SPRY3: variants seen among roughly 807,000 people sequenced by gnomAD.
SPRY3 encodes sprouty RTK signaling antagonist 3.
A neutral mutation model predicts 20.2 loss-of-function variants in SPRY3; 15 were observed. The observed-to-expected ratio is 0.74, with a 90% CI of 0.50 to 1.14. The LOEUF (loss-of-function observed/expected upper bound fraction) is 1.14, where lower values mean the gene tolerates loss of function less well. SPRY3 is among the 50% of genes most tolerant of loss of function. The probability of loss-of-function intolerance (pLI) is 0.00; values close to 1 mark genes in which losing one functional copy is unlikely to be tolerated. For synonymous variants in SPRY3, 143 were observed against 136.5 expected, an observed-to-expected ratio of 1.05 and a Z score of -0.33; for missense variants, 364 against 363.9, an observed-to-expected ratio of 1.00 and a Z score of 0.00.
At chrX:155,767,281 A>G (rs1489762125) in intron 2 of SPRY3, among the ~76,000 whole-genome samples, 2 of 151,904 alleles carry the variant, frequency 1.3e-5, no homozygotes, top group African/African-American at 2.4e-5. Flanking sequence ...CTTCTTTCCC[A>G]TCCTCCCCTA....
intron 2 of SPRY3, among the ~76,000 whole-genome samples, chrX:155,687,988 C>G (rs144574159): frequency 9.1e-6 from 1 of 110,443 alleles, no homozygotes. Context: ...ATCCCATCAC[C>G]GAGGTATTAA....
chrX:155,729,490 A>T (rs306911), intron 2 of SPRY3, among the ~76,000 whole-genome samples: 1 of 152,008 alleles, frequency 6.6e-6, no homozygotes, highest in African/African-American at 2.4e-5. Context: ...ATTAAGAAGA[A>T]AATTTAAAAA....
intron 1 of SPRY3, among the ~76,000 whole-genome samples, chrX:155,630,789 A>C (rs2124528245): frequency 9.0e-6 from 1 of 110,817 alleles, no homozygotes; most frequent in South Asian, 3.8e-4. Flanking sequence ...TTTTTCTATT[A>C]TTTCTTTGAA....
chrX:155,759,149 G>A (rs1391177625), intron 2 of SPRY3, among the ~76,000 whole-genome samples: 2 of 149,744 alleles, frequency 1.3e-5, no homozygotes, highest in African/African-American at 2.5e-5. Context: ...TCTGCCTCCC[G>A]AGTAGCTGGG....
intron 2 of SPRY3, among the ~76,000 whole-genome samples, chrX:155,767,213 C>A (rs306882): frequency 0.45 from 68,233 of 151,524 alleles, 18,537 homozygotes; most frequent in East Asian, 0.86. Context: ...CCGGGAAAGC[C>A]AACGACACGC....
At chrX:155,617,282 A>T (rs1479731369) in intron 1 of SPRY3, among the ~76,000 whole-genome samples, 3 of 110,509 alleles carry the variant, frequency 2.7e-5, no homozygotes, top group Non-Finnish European at 5.7e-5. Flanking sequence ...TCTTAGTTGC[A>T]TGCAACAGAA....
chrX:155,692,166 T>C (rs1327328866), intron 2 of SPRY3, among the ~76,000 whole-genome samples: 1 of 109,514 alleles, frequency 9.1e-6, no homozygotes, highest in Non-Finnish European at 1.9e-5. Context: ...AAAGAGGGAA[T>C]AGTAAATGGG....
chrX:155,645,085 A>G (rs1412585621), intron 1 of SPRY3, among the ~76,000 whole-genome samples: 2 of 111,322 alleles, frequency 1.8e-5, no homozygotes, highest in African/African-American at 3.3e-5. Flanking sequence ...CTTCTCTTCA[A>G]TGCAGCAAGT....
intron 2 of SPRY3, among the ~76,000 whole-genome samples, chrX:155,755,504 AC>A (rs2091280602): frequency 6.6e-6 from 1 of 151,988 alleles, no homozygotes; most frequent in Admixed American, 6.6e-5. Context: ...CCTAAAACAT[AC>A]CTTTACCTCT....
At chrX:155,623,502 TTTGA>T (rs1569562374) in intron 1 of SPRY3, among the ~76,000 whole-genome samples, 1 of 112,138 alleles carries the variant, frequency 8.9e-6, no homozygotes, top group East Asian at 2.8e-4. Context: ...TTGAACTTGT[TTTGA>T]TTTAGTTAAG....
chrX:155,707,294 C>T (rs1375430850), intron 2 of SPRY3, among the ~76,000 whole-genome samples: 2 of 151,074 alleles, frequency 1.3e-5, no homozygotes, highest in Non-Finnish European at 3.0e-5. Flanking sequence ...TTGGGGAGCT[C>T]TAAATTTCTT....
At chrX:155,620,681 G>T (rs1484108323) in intron 1 of SPRY3, among the ~76,000 whole-genome samples, 1 of 111,560 alleles carries the variant, frequency 9.0e-6, no homozygotes, top group Non-Finnish European at 1.9e-5. Flanking sequence ...CAGAGGAGTT[G>T]TGTATTTACT....
chrX:155,710,069 T>C (rs934582870), intron 2 of SPRY3, among the ~76,000 whole-genome samples: 81 of 151,926 alleles, frequency 5.3e-4, no homozygotes, highest in Admixed American at 2.3e-3. Context: ...CATAGCTCTG[T>C]AATATAATTT....
intron 2 of SPRY3, among the ~76,000 whole-genome samples, chrX:155,758,102 T>C (rs918475553): frequency 1.3e-5 from 2 of 152,194 alleles, no homozygotes; most frequent in Admixed American, 1.3e-4. Context: ...CCATTTGTTT[T>C]AGCAGACTGT....
At chrX:155,654,582 T>G (rs2067986124) in intron 1 of SPRY3, among the ~76,000 whole-genome samples, 1 of 110,715 alleles carries the variant, frequency 9.0e-6, no homozygotes, top group East Asian at 2.8e-4. Context: ...GTTTTCAACT[T>G]TCTGTTTCTG....
At chrX:155,739,251 G>A (rs180916964) in intron 2 of SPRY3, among the ~76,000 whole-genome samples, 3 of 152,242 alleles carry the variant, frequency 2.0e-5, no homozygotes, top group Non-Finnish European at 4.4e-5. Flanking sequence ...TGTGGGGAGG[G>A]GCTCCCTGTG....
At chrX:155,725,250 A>G (rs2091089339) in intron 2 of SPRY3, among the ~76,000 whole-genome samples, 1 of 152,090 alleles carries the variant, frequency 6.6e-6, no homozygotes, top group East Asian at 1.9e-4. Flanking sequence ...TTTGCATCGA[A>G]GTTCATCAGG....
intron 2 of SPRY3, among the ~76,000 whole-genome samples, chrX:155,726,745 G>C (rs1336745509): frequency 6.6e-6 from 1 of 152,134 alleles, no homozygotes; most frequent in Non-Finnish European, 1.5e-5. Flanking sequence ...CGTGAATACA[G>C]CACACTGATG....
chrX:155,616,100 G>GTCTC lies in SPRY3; in HGVS notation c.-441+3480_-441+3483dup, dbSNP rs781921618. On this transcript the variant is annotated intron_variant, in intron 1 of 3. Transcript: ENST00000675360. ...ATTTTTCCCTGCACATTTATCTGGGGTCTCTCTCTCTCTCTCTCTCTCTCT... is the reference window on the plus strand; with the variant it reads ...ATTTTTCCCTGCACATTTATCTGGGGTCTCTCTCTCTCTCTCTCTCTCTCTCTCT... Among the ~76,000 whole-genome samples the GTCTC allele has an allele frequency of 1.5e-3, 63 of 42,878 alleles. 1 individual carries two copies. The highest frequency in any genetic ancestry group is 6.0e-3 in the South Asian group (4 of 668). The allele number at this position is 42,878 out of a possible 115,157, so 37.2% of individuals were successfully genotyped here. A position where few individuals can be genotyped will look rare whatever the true frequency, so the allele number is the denominator to read the frequency against.
Sources: allele counts gnomAD v4.1 joint callset (sites outside exome capture counted in the v4.1 genomes callset), GRCh38; gene constraint gnomAD v4.1.1; transcripts MANE v1.5; gene names NCBI Gene and HGNC (gene_info 2026-07-23, HGNC 2026-07-21).